SLC22A3: variants seen among roughly 807,000 people sequenced by gnomAD.
The protein encoded by SLC22A3 is EMT organic cation transporter 3.
In SLC22A3, 51 loss-of-function variants were observed where a neutral mutation model predicts 59.1. The ratio of observed to expected loss-of-function variants is 0.86; its 90% CI spans 0.69 to 1.09. SLC22A3 has a LOEUF of 1.09. SLC22A3 is among the 50% of genes least tolerant of loss of function. The pLI is 0.00. For synonymous variants in SLC22A3, 325 were observed against 292.0 expected, an observed-to-expected ratio of 1.11 and a Z score of -1.15; for missense variants, 711 against 726.3, an observed-to-expected ratio of 0.98 and a Z score of 0.24.
At position 160,415,302 on chromosome 6, in the gene SLC22A3, CAGA is replaced by C. The variant is rs1312215861; in HGVS notation, c.975+4459_975+4461del. ...AGCAGAAAACCTCTTCGTGATGACGCAGAAGGACTGGCCAGCAGGGTAGGCACT... is the reference window on the plus strand; with the variant it reads ...AGCAGAAAACCTCTTCGTGATGACGCAGGACTGGCCAGCAGGGTAGGCACT... On this transcript the variant is annotated intron_variant, in intron 5 of 10. Coordinates refer to ENST00000275300, the MANE Select transcript of SLC22A3 (RefSeq NM_021977.4). The surrounding 1 kb of genome is among the most constrained non-coding windows in gnomAD (Gnocchi z 4.1). Among the ~76,000 whole-genome samples, 1 of 152,212 alleles carries C rather than the reference CAGA, an allele frequency of 6.6e-6. No homozygotes were observed. Among genetic ancestry groups the C allele is most frequent in the East Asian group, 1.9e-4 (1 of 5,196 alleles).
intron 1 of SLC22A3, among the ~76,000 whole-genome samples, chr6:160,393,642 G>A (rs886452655): frequency 2.0e-5 from 3 of 152,126 alleles, no homozygotes; most frequent in African/African-American, 7.2e-5. Flanking sequence ...TGGCTGCATA[G>A]TATTCCATGG....
rs202054710 is a variant in SLC22A3 at position 160,369,709 on chromosome 6, A to AT, written c.429+20868dup. 8.2e-3 allele frequency among the ~76,000 whole-genome samples: 1,248 copies of AT among 152,244 alleles called. 16 individuals are homozygous for AT. The highest frequency in any genetic ancestry group is 0.029 in the African/African-American group (1,185 of 41,542). ...TAGCATTTTGTTGTATTTTATTTAG[A>AT]TTTTTTTGCAGAGAAATAAGCCATT... On this transcript the variant is annotated intron_variant, in intron 1 of 10. Transcript: ENST00000275300.
intron 1 of SLC22A3, among the ~76,000 whole-genome samples, chr6:160,393,283 T>A (rs555110440): frequency 9.3e-5 from 14 of 151,190 alleles, no homozygotes; most frequent in African/African-American, 1.5e-4. Context: ...TTATTTATTT[T>A]ATTTATTTAT....
rs1472876686 is a variant in SLC22A3, at chr6:160,407,066, C to T, written c.559C>T (p.Leu187=). 3.1e-6 allele frequency: 5 copies of T among 1,613,068 alleles called. No individual in the cohort carries two copies. Among genetic ancestry groups the T allele is most frequent in the South Asian group, 1.1e-5 (1 of 90,964 alleles). The change falls in exon 3 of 11, where the codon CTA becomes TTA. Residue 187 remains leucine (L), a synonymous_variant. Coordinates refer to ENST00000275300, the MANE Select transcript of SLC22A3 (RefSeq NM_021977.4). ...DRYGRIVIYL[L]SCLGVGVTGV... The stretch of plus-strand genomic sequence containing the variant: ...GTATGGCAGGATCGTCATTTACTTG[C>T]TATCCTGCCTTGGTGTTGGCGTCAC...
intron 10 of SLC22A3, among the ~76,000 whole-genome samples, 196 bp from the exon 11 acceptor site, chr6:160,450,800 T>C (rs963793969): frequency 3.3e-5 from 3 of 91,540 alleles, no homozygotes; most frequent in Admixed American, 2.3e-4. Flanking sequence ...TTCAGGGTCC[T>C]TGACTTCCTG....
chr6:160,357,980 A>C (rs1024169202), intron 1 of SLC22A3, among the ~76,000 whole-genome samples: 1 of 152,216 alleles, frequency 6.6e-6, no homozygotes, highest in Non-Finnish European at 1.5e-5. Context: ...GTCTGTATCT[A>C]ATAGAGCATA....
At chr6:160,391,877 C>G (rs1016829882) in intron 1 of SLC22A3, among the ~76,000 whole-genome samples, 1 of 152,150 alleles carries the variant, frequency 6.6e-6, no homozygotes, top group African/African-American at 2.4e-5. Context: ...CCCAATTTCA[C>G]AAGTTTAGAA....
chr6:160,397,405 G>A (rs1054926095), intron 1 of SLC22A3, among the ~76,000 whole-genome samples: 7 of 151,942 alleles, frequency 4.6e-5, no homozygotes, highest in Admixed American at 2.0e-4. Context: ...TCCATGACTC[G>A]GTGGTTGGGG....
At chr6:160,441,821 T>A (rs141002876) in intron 7 of SLC22A3, among the ~76,000 whole-genome samples, 1 of 152,320 alleles carries the variant, frequency 6.6e-6, no homozygotes, top group African/African-American at 2.4e-5. Flanking sequence ...ACATGAACAC[T>A]GGACATGCTT....
At chr6:160,433,515 T>TCTACTACTACTACTA (rs3066966) in intron 5 of SLC22A3, among the ~76,000 whole-genome samples, 2,389 of 146,912 alleles carry the variant, frequency 0.016, 43 homozygotes, top group East Asian at 0.037. Context: ...AGACCCTGTC[T>TCTACTACTACTACTA]CTACTACTAC....
chr6:160,420,959 C>T (rs1409229077), intron 5 of SLC22A3, among the ~76,000 whole-genome samples: 1 of 152,188 alleles, frequency 6.6e-6, no homozygotes, highest in Non-Finnish European at 1.5e-5. Flanking sequence ...TTCCGCACCC[C>T]TTCCTCCGCA....
chr6:160,380,438 A>G (rs555377325), intron 1 of SLC22A3, among the ~76,000 whole-genome samples: 14 of 152,254 alleles, frequency 9.2e-5, no homozygotes, highest in African/African-American at 3.4e-4. Context: ...CATATATACA[A>G]TGTACTAAAT....
At chr6:160,371,827 C>G (rs1421125590) in intron 1 of SLC22A3, among the ~76,000 whole-genome samples, 1 of 152,232 alleles carries the variant, frequency 6.6e-6, no homozygotes, top group Non-Finnish European at 1.5e-5. Flanking sequence ...TCCACATCCT[C>G]TCCAGCATCT....
Position 160,451,147 on chromosome 6 carries a change from G to A in SLC22A3, c.*91G>A, listed in dbSNP as rs951011183. On this transcript the variant is annotated 3_prime_UTR_variant, in exon 11 of 11. Coordinates refer to ENST00000275300, the MANE Select transcript of SLC22A3 (RefSeq NM_021977.4). ...TGCAGAGATGCACGTGTGCATTTCA[G>A]CTACATCATGCCGCGCTGTTGTAAT... The A allele has an allele frequency of 7.0e-6, 8 of 1,140,322 alleles. No homozygotes were observed. The highest frequency in any genetic ancestry group is 1.0e-5 in the Non-Finnish European group (8 of 771,116). 70.6% of individuals were successfully genotyped at this position (1,140,322 alleles called of 1,614,324 possible). A position where few individuals can be genotyped will look rare whatever the true frequency, so the allele number is the denominator to read the frequency against.
chr6:160,406,897 CCT>C, intron 2 of SLC22A3, 142 bp from the exon 3 acceptor site: 1 of 959,952 alleles, frequency 1.0e-6, no homozygotes, highest in Non-Finnish European at 1.5e-6. Context: ...ATAGGGACAC[CCT>C]GTCTCTACAA....
intron 5 of SLC22A3, among the ~76,000 whole-genome samples, chr6:160,431,770 G>C (rs915288307): frequency 3.3e-5 from 5 of 152,104 alleles, no homozygotes; most frequent in Non-Finnish European, 7.4e-5. Flanking sequence ...AGTTATTAAA[G>C]GAAAAGCATT....
At chr6:160,433,570 C>T (rs1788232489) in intron 5 of SLC22A3, among the ~76,000 whole-genome samples, 1 of 148,148 alleles carries the variant, frequency 6.8e-6, no homozygotes. Flanking sequence ...AAGCCAGGTG[C>T]TGTGGCATGC....
chr6:160,444,435 T>C (rs1024974941), intron 9 of SLC22A3, among the ~76,000 whole-genome samples: 3 of 152,202 alleles, frequency 2.0e-5, no homozygotes, highest in African/African-American at 4.8e-5. Flanking sequence ...ATGGATATCA[T>C]ATCTTCATTG....
intron 1 of SLC22A3, among the ~76,000 whole-genome samples, chr6:160,379,736 G>C (rs771154404): frequency 1.3e-5 from 2 of 152,108 alleles, no homozygotes; most frequent in African/African-American, 2.4e-5. Flanking sequence ...TTTCTGATTT[G>C]TATTTCATTT....
Sources: gnomAD v4.1 joint callset for allele counts (sites outside exome capture counted in the v4.1 genomes callset) on GRCh38, gnomAD v4.1.1 for gene constraint, Gnocchi (gnomAD v3.1) non-coding constraint, MANE v1.5 for transcripts, NCBI Gene and HGNC (gene_info 2026-07-23, HGNC 2026-07-21) for gene names.